SDCCAG8: variants seen among roughly 807,000 people sequenced by gnomAD.
SDCCAG8 encodes the protein SHH signaling and ciliogenesis regulator SDCCAG8.
A neutral mutation model predicts 101.8 loss-of-function variants in SDCCAG8; 74 were observed. That is an observed-to-expected ratio of 0.73 (90% CI 0.60 to 0.88). The LOEUF (loss-of-function observed/expected upper bound fraction) is 0.88, where lower values mean the gene tolerates loss of function less well. Among genes scored for constraint, SDCCAG8 ranks in the 40% least tolerant of loss-of-function variants. The pLI, the probability that SDCCAG8 is intolerant of heterozygous loss-of-function variation, is 0.00. For synonymous variants in SDCCAG8, 281 were observed against 292.9 expected, an observed-to-expected ratio of 0.96 and a Z score of 0.41; for missense variants, 787 against 822.6, an observed-to-expected ratio of 0.96 and a Z score of 0.53.
At position 243,418,014 on chromosome 1, in the gene SDCCAG8, A is replaced by G; in HGVS notation, c.1791A>G (p.Thr597=). 6.2e-7 allele frequency: 1 copy of G among 1,613,178 alleles called. No individual in the cohort carries two copies. ...TGACCTCCCAGAATACATTTTTGAC[A>G]AAGTTAAAGGAAGAATGCTGTACAT... ...LLLTSQNTFL[T]KLKEECCTLA... Residue 597 remains threonine, a synonymous_variant, in exon 15 of 18, where the codon ACA becomes ACG. Transcript: ENST00000366541.
chr1:243,414,816 A>G (rs750843355), intron 13 of SDCCAG8, among the ~76,000 whole-genome samples: 4 of 151,502 alleles, frequency 2.6e-5, no homozygotes, highest in Non-Finnish European at 4.4e-5. Context: ...TCACTTACCC[A>G]TATTTAGAGT....
intron 16 of SDCCAG8, among the ~76,000 whole-genome samples, chr1:243,456,145 G>T (rs1276186492): frequency 6.6e-6 from 1 of 152,158 alleles, no homozygotes; most frequent in Admixed American, 6.6e-5. Flanking sequence ...GGAGCATGCA[G>T]AATTTATCTT....
intron 4 of SDCCAG8, among the ~76,000 whole-genome samples, chr1:243,282,403 A>G (rs1370002760): frequency 6.6e-6 from 1 of 152,174 alleles, no homozygotes; most frequent in Admixed American, 6.5e-5. Context: ...ATAAACTAAA[A>G]TTACTACAAA....
chr1:243,362,004 AGATG>A (rs1387877158), intron 12 of SDCCAG8, among the ~76,000 whole-genome samples: 14 of 151,912 alleles, frequency 9.2e-5, no homozygotes, highest in Non-Finnish European at 1.5e-4. Flanking sequence ...GTGGGTGAAG[AGATG>A]GCCAAGTGAC....
At chr1:243,384,581 G>T (rs889906532) in intron 13 of SDCCAG8, among the ~76,000 whole-genome samples, 3 of 126,416 alleles carry the variant, frequency 2.4e-5, no homozygotes, top group Non-Finnish European at 4.9e-5. Flanking sequence ...ACATGTACGT[G>T]TTTAAAAACC....
intron 16 of SDCCAG8, among the ~76,000 whole-genome samples, chr1:243,449,175 A>G (rs555589615): frequency 6.6e-6 from 1 of 152,322 alleles, no homozygotes; most frequent in East Asian, 1.9e-4. Context: ...TACTTAGGCT[A>G]TTTAACAACT....
intron 13 of SDCCAG8, among the ~76,000 whole-genome samples, chr1:243,405,111 C>T (rs2079676233): frequency 6.6e-6 from 1 of 152,130 alleles, no homozygotes; most frequent in African/African-American, 2.4e-5. Flanking sequence ...GGTGATCTGC[C>T]TGCCTTGGCC....
At chr1:243,282,223 G>A (rs1381760890) in intron 4 of SDCCAG8, among the ~76,000 whole-genome samples, 2 of 150,382 alleles carry the variant, frequency 1.3e-5, no homozygotes, top group African/African-American at 4.9e-5. Flanking sequence ...TTTCTTTGCT[G>A]GTAGCCGTTG....
intron 9 of SDCCAG8, chr1:243,318,177 A>T: frequency 2.4e-6 from 1 of 420,120 alleles, no homozygotes; most frequent in South Asian, 1.7e-5. Flanking sequence ...TGCAGCCATA[A>T]AAAGAATGAG....
intron 12 of SDCCAG8, among the ~76,000 whole-genome samples, chr1:243,361,539 G>C (rs1391637487): frequency 6.6e-6 from 1 of 152,198 alleles, no homozygotes; most frequent in African/African-American, 2.4e-5. Flanking sequence ...CCTTTCTACA[G>C]TTTATAAGGC....
intron 17 of SDCCAG8, among the ~76,000 whole-genome samples, chr1:243,492,294 GCTT>G (rs1558547715): frequency 1.7e-5 from 1 of 60,162 alleles, no homozygotes; most frequent in Non-Finnish European, 3.2e-5. Flanking sequence ...TCGTTTCTTG[GCTT>G]TTTTTTTTTT....
intron 12 of SDCCAG8, among the ~76,000 whole-genome samples, chr1:243,370,360 T>A (rs1375810540): frequency 6.6e-6 from 1 of 152,174 alleles, no homozygotes; most frequent in African/African-American, 2.4e-5. Context: ...ATATTTTGTC[T>A]ATGATGATTA....
rs1311184075 is a variant in SDCCAG8 at position 243,267,723 on chromosome 1, GT to G, written c.68-2381del. 55 of 797,556 alleles carry G rather than the reference GT, an allele frequency of 6.9e-5. No homozygotes were observed. In the African/African-American group the frequency reaches 8.6e-4, roughly 12 times the overall value. The allele number at this position is 797,556 out of a possible 1,614,324, so 49.4% of individuals were successfully genotyped here. A position where few individuals can be genotyped will look rare whatever the true frequency, so the allele number is the denominator to read the frequency against. On this transcript the variant is annotated intron_variant, in intron 1 of 17. Transcript: ENST00000366541. ...GCATAGGTTCCTGTGTGTGTACATG[GT>G]AATTGTTCAAATCTTGGATCCTTGG... is the stretch of plus-strand genomic sequence containing the variant.
At chr1:243,267,242 TAAA>T (rs36005780) in intron 1 of SDCCAG8, 29 of 162,930 alleles carry the variant, frequency 1.8e-4, no homozygotes, top group Admixed American at 3.3e-4. Flanking sequence ...GACTCCGTCT[TAAA>T]AAAAAAAAAA....
intron 12 of SDCCAG8, among the ~76,000 whole-genome samples, chr1:243,360,187 C>T (rs1474134877): frequency 1.1e-4 from 15 of 142,418 alleles, no homozygotes; most frequent in African/African-American, 4.0e-4. Flanking sequence ...GCTCTGTCAC[C>T]TAGGCTGGAG....
At position 243,265,768 on chromosome 1, in the gene SDCCAG8, G is replaced by T. The variant is rs555329979; in HGVS notation, c.68-4337G>T. Among the ~76,000 whole-genome samples, 7 of 151,044 alleles carry T rather than the reference G, an allele frequency of 4.6e-5. No individual in the cohort carries two copies. The East Asian group carries it at 1.2e-3, about 25-fold the overall frequency. Reference sequence around the variant, plus strand: ...GCGGAGGTTGCAGTGAGCCAAGATCGCACCATTGCACTCCAGCCTGGGGAC... The same window carrying T: ...GCGGAGGTTGCAGTGAGCCAAGATCTCACCATTGCACTCCAGCCTGGGGAC... On this transcript the variant is annotated intron_variant, in intron 1 of 17. Coordinates refer to ENST00000366541, the MANE Select transcript of SDCCAG8 (RefSeq NM_006642.5).
chr1:243,357,947 A>G (rs1009450434), intron 12 of SDCCAG8, among the ~76,000 whole-genome samples: 41 of 152,340 alleles, frequency 2.7e-4, no homozygotes, highest in African/African-American at 9.9e-4. Context: ...TTAACTCAAA[A>G]TGGATGAAAG....
Position 243,264,615 on chromosome 1 carries a change from C to CA in SDCCAG8, c.68-5480dup, listed in dbSNP as rs796552919. Among the ~76,000 whole-genome samples, 491 of 145,352 alleles carry CA rather than the reference C, an allele frequency of 3.4e-3. 5 individuals carry two copies. Among genetic ancestry groups the CA allele is most frequent in the African/African-American group, 0.011 (447 of 39,630 alleles). On this transcript the variant is annotated intron_variant, in intron 1 of 17. Coordinates refer to ENST00000366541, the MANE Select transcript of SDCCAG8 (RefSeq NM_006642.5). ...GGCAACCAGAGCGAAAACTCCATCT[C>CA]AAAAAAAAAAGAAGAAAGAAAATGG... is the stretch of plus-strand genomic sequence containing the variant.
intron 12 of SDCCAG8, among the ~76,000 whole-genome samples, chr1:243,364,702 T>G (rs1573579768): frequency 6.6e-6 from 1 of 152,218 alleles, no homozygotes; most frequent in East Asian, 1.9e-4. Flanking sequence ...TCATTTAGTT[T>G]GAACTGGAAA....
Sources: gnomAD v4.1 joint callset for allele counts (sites outside exome capture counted in the v4.1 genomes callset) on GRCh38, gnomAD v4.1.1 for gene constraint, MANE v1.5 for transcripts, NCBI Gene and HGNC (gene_info 2026-07-23, HGNC 2026-07-21) for gene names.